Variants in SCNN1B observed in about 807,000 individuals in gnomAD.
SCNN1B encodes the protein sodium channel epithelial 1 subunit beta.
A neutral mutation model predicts 65.3 loss-of-function variants in SCNN1B; 46 were observed. The ratio of observed to expected loss-of-function variants is 0.70; its 90% CI spans 0.56 to 0.90. The LOEUF (loss-of-function observed/expected upper bound fraction) is 0.90. Ranked by LOEUF, SCNN1B falls within the 40% of genes least tolerant of loss-of-function variation. SCNN1B has a pLI of 0.00. For missense variants in SCNN1B, 751 were observed against 830.5 expected (o/e 0.90, Z 1.18); for synonymous variants, 349 against 330.6 (o/e 1.06, Z -0.60).
At chr16:23,361,253 A>T (rs1296381558) in intron 4 of SCNN1B, among the ~76,000 whole-genome samples, 1 of 152,130 alleles carries the variant, frequency 6.6e-6, no homozygotes, top group Non-Finnish European at 1.5e-5. Context: ...ATCGAGGAAT[A>T]GTTTTAGATT....
intron 2 of SCNN1B, among the ~76,000 whole-genome samples, chr16:23,286,387 A>G (rs78311284): frequency 0.035 from 5,281 of 152,292 alleles, 291 homozygotes; most frequent in African/African-American, 0.12. Context: ...TCATCAGGCC[A>G]TAGAGAACTT....
intron 2 of SCNN1B, among the ~76,000 whole-genome samples, chr16:23,296,679 G>A (rs1961001684): frequency 3.9e-5 from 6 of 152,242 alleles, no homozygotes; most frequent in Admixed American, 2.6e-4. Flanking sequence ...GGAAGCACCC[G>A]GAGCTTGCTG....
chr16:23,376,589 C>T (rs1442557163), intron 8 of SCNN1B, among the ~76,000 whole-genome samples: 1 of 151,768 alleles, frequency 6.6e-6, no homozygotes, highest in Non-Finnish European at 1.5e-5. Flanking sequence ...GGCCTGGGAG[C>T]CCTGGCGGTC....
At position 23,378,773 on chromosome 16, in the gene SCNN1B, C is replaced by T; in HGVS notation, c.1466+6C>T. ...ACCAATATCACCCTGAGCAGGTGAG[C>T]CTGAGCCTGGGCGGGGCTGGGGAAG... On this transcript the variant is annotated splice_donor_region_variant and intron_variant, in intron 11 of 12. Transcript: ENST00000343070. 2 of 1,613,872 alleles carry T rather than the reference C, an allele frequency of 1.2e-6. No homozygotes were observed. Among genetic ancestry groups the T allele is most frequent in the Non-Finnish European group, 1.7e-6 (2 of 1,179,806 alleles).
At chr16:23,294,254 C>A (rs77296455) in intron 2 of SCNN1B, among the ~76,000 whole-genome samples, 1 of 151,816 alleles carries the variant, frequency 6.6e-6, no homozygotes. Context: ...AAATTAGCCA[C>A]GCGAGATGGC....
chr16:23,341,873 G>A (rs1016750110), intron 1 of SCNN1B, among the ~76,000 whole-genome samples: 2 of 152,160 alleles, frequency 1.3e-5, no homozygotes, highest in Admixed American at 6.5e-5. Flanking sequence ...CTCACACACC[G>A]GGTGAAATTG....
At chr16:23,321,411 CG>C (rs1961584904) in intron 1 of SCNN1B, among the ~76,000 whole-genome samples, 1 of 152,048 alleles carries the variant, frequency 6.6e-6, no homozygotes, top group South Asian at 2.1e-4. Context: ...CTGAAGGCCC[CG>C]CCTGTGAGTG....
intron 1 of SCNN1B, among the ~76,000 whole-genome samples, chr16:23,336,721 A>G (rs571132510): frequency 3.3e-5 from 5 of 152,238 alleles, no homozygotes; most frequent in African/African-American, 1.2e-4. Flanking sequence ...CTGAATAGTT[A>G]AGAAAGTATG....
At chr16:23,377,947 A>C (rs1235131787) in intron 10 of SCNN1B, among the ~76,000 whole-genome samples, 1 of 152,220 alleles carries the variant, frequency 6.6e-6, no homozygotes, top group African/African-American at 2.4e-5. Flanking sequence ...ATGGCTGTGA[A>C]ATAAATAAAC....
chr16:23,368,054 T>G (rs575245371), intron 5 of SCNN1B, 95 bp downstream of exon 5: 3 of 1,003,568 alleles, frequency 3.0e-6, no homozygotes, highest in East Asian at 2.4e-5. Flanking sequence ...AGGGTGGGAC[T>G]GAGGGGGGAC....
intron 2 of SCNN1B, among the ~76,000 whole-genome samples, chr16:23,295,236 T>G (rs1431090032): frequency 2.0e-5 from 3 of 152,020 alleles, no homozygotes; most frequent in Non-Finnish European, 4.4e-5. Flanking sequence ...ATTTTTTTTT[T>G]GAGACCAGGT....
chr16:23,380,501 G>T lies in SCNN1B; in HGVS notation c.1623G>T (p.Gly541=). The T allele has an allele frequency of 2.5e-6, 4 of 1,614,228 alleles. No individual in the cohort carries two copies. Among genetic ancestry groups the T allele is most frequent in the Middle Eastern group, 1.6e-4 (1 of 6,062 alleles). Residue 541 remains glycine, a synonymous_variant, in exon 13 of 13, where the codon GGG becomes GGT. Coordinates refer to ENST00000343070, the MANE Select transcript of SCNN1B (RefSeq NM_000336.3). This position sits in a 1 kb window ranked among gnomAD's most constrained non-coding sequence, Gnocchi z 5.4. ...GGSVLCLIEF[G]EIIIDFVWIT... is the part of the protein sequence containing the mutation. Reference sequence around the variant, plus strand: ...CTGTGCTGTGCCTCATCGAGTTTGGGGAGATCATCATCGACTTTGTGTGGA... The same window carrying T: ...CTGTGCTGTGCCTCATCGAGTTTGGTGAGATCATCATCGACTTTGTGTGGA...
intron 4 of SCNN1B, among the ~76,000 whole-genome samples, chr16:23,356,238 G>A (rs1270923525): frequency 6.6e-6 from 1 of 152,170 alleles, no homozygotes; most frequent in African/African-American, 2.4e-5. Context: ...CTGTTGCCTC[G>A]GTTTTCTCAT....
intron 1 of SCNN1B, among the ~76,000 whole-genome samples, chr16:23,329,430 G>A (rs1432342073): frequency 1.3e-5 from 2 of 152,114 alleles, no homozygotes; most frequent in East Asian, 1.9e-4. Flanking sequence ...TATTTTAAAC[G>A]CTAGTTTTCC....
At position 23,380,946 on chromosome 16, in the gene SCNN1B, C is replaced by G; in HGVS notation, c.*145C>G. The G allele has an allele frequency of 1.1e-6, 1 of 870,350 alleles. No individual in the cohort carries two copies. The highest frequency in any genetic ancestry group is 1.4e-5 in the South Asian group (1 of 73,988). The allele number at this position is 870,350 out of a possible 1,614,324, so 53.9% of individuals were successfully genotyped here. On this transcript the variant is annotated 3_prime_UTR_variant, in exon 13 of 13. Transcript: ENST00000343070. The surrounding 1 kb of genome is among the most constrained non-coding windows in gnomAD (Gnocchi z 5.4). ...TTGTGTCCTTCAACAGAGAGGCCAG[C>G]GGCAACTGGTCCGTTACTGGCCAAG...
intron 1 of SCNN1B, among the ~76,000 whole-genome samples, chr16:23,341,411 G>A (rs903798505): frequency 6.6e-6 from 1 of 152,088 alleles, no homozygotes; most frequent in Non-Finnish European, 1.5e-5. Context: ...TAGAGTCTTA[G>A]ATATGAAACC....
At chr16:23,359,252 C>G (rs997939133) in intron 4 of SCNN1B, 1 of 152,114 alleles carries the variant, frequency 6.6e-6, no homozygotes, top group African/African-American at 2.4e-5. Context: ...TGTAACCTGC[C>G]CAGAGAGGTT....
chr16:23,306,923 T>A (rs1019117713), intron 1 of SCNN1B, among the ~76,000 whole-genome samples: 1 of 152,168 alleles, frequency 6.6e-6, no homozygotes, highest in African/African-American at 2.4e-5. Flanking sequence ...CTTGAGTAAC[T>A]AGTATGTGCA....
At position 23,375,775 on chromosome 16, in the gene SCNN1B, G is replaced by T. The variant is rs61729789; in HGVS notation, c.1190G>T (p.Arg397Leu). 1.7e-4 allele frequency: 270 copies of T among 1,614,064 alleles called. 1 individual carries two copies. In the African/African-American group the frequency reaches 3.4e-3, roughly 20 times the overall value. The change falls in exon 8 of 13, where the codon CGT becomes CTT. Residue 397 changes from arginine to leucine, a missense_variant. Transcript: ENST00000343070. Reference protein sequence around the residue: ...LRSCFQDHMIRNCNCGHYLYP... With the variant: ...LRSCFQDHMILNCNCGHYLYP... Reference sequence around the variant, plus strand: ...TCCTGCTTCCAAGACCACATGATCCGTAACTGCAACTGTGGCCACTACCTG... The same window carrying T: ...TCCTGCTTCCAAGACCACATGATCCTTAACTGCAACTGTGGCCACTACCTG...
Sources: allele counts gnomAD v4.1 joint callset (sites outside exome capture counted in the v4.1 genomes callset), GRCh38; gene constraint gnomAD v4.1.1; non-coding constraint Gnocchi (gnomAD v3.1); transcripts MANE v1.5; gene names NCBI Gene and HGNC (gene_info 2026-07-23, HGNC 2026-07-21).